PIP4K2A: variants seen among roughly 807,000 people sequenced by gnomAD.
PIP4K2A encodes the protein phosphatidylinositol 5-phosphate 4-kinase type-2 alpha.
A neutral mutation model predicts 42.9 loss-of-function variants in PIP4K2A; 14 were observed. The observed-to-expected ratio is 0.33, with a 90% confidence interval of 0.22 to 0.51. The LOEUF (loss-of-function observed/expected upper bound fraction) is 0.51. Among genes scored for constraint, PIP4K2A ranks in the 20% least tolerant of loss-of-function variants. The pLI is 0.97. For synonymous variants in PIP4K2A, 192 were observed against 192.2 expected (o/e 1.00, Z 0.01); for missense variants, 434 against 519.8 (o/e 0.83, Z 1.61).
At chr10:22,597,139 T>C (rs896818008) in intron 3 of PIP4K2A, among the ~76,000 whole-genome samples, 1 of 152,216 alleles carries the variant, frequency 6.6e-6, no homozygotes, top group Non-Finnish European at 1.5e-5. Context: ...TCTGAACTCA[T>C]TCTAGGACTG....
intron 6 of PIP4K2A, among the ~76,000 whole-genome samples, chr10:22,554,009 T>C (rs1836474651): frequency 2.0e-5 from 3 of 151,784 alleles, no homozygotes; most frequent in Admixed American, 6.6e-5. Flanking sequence ...ACCGTGGTGG[T>C]GTGTGCCTCT....
Position 22,706,715 on chromosome 10 carries a change from A to G in PIP4K2A, c.144+7468T>C, listed in dbSNP as rs117767791. On this transcript the variant is annotated intron_variant, in intron 1 of 9. Coordinates refer to ENST00000376573, the MANE Select transcript of PIP4K2A (RefSeq NM_005028.5). ...GTGAAATATCAAGTCAATAGCTGAC[A>G]TAACTTGCAACTAATGGATGTGAAT... 3.3e-5 allele frequency among the ~76,000 whole-genome samples: 5 copies of G among 152,380 alleles called. No individual in the cohort carries two copies. The East Asian group carries it at 7.7e-4, about 23-fold the overall frequency.
intron 8 of PIP4K2A, among the ~76,000 whole-genome samples, chr10:22,541,292 G>A (rs1036430141): frequency 8.5e-5 from 13 of 152,150 alleles, no homozygotes; most frequent in African/African-American, 3.1e-4. Flanking sequence ...TCACACCCCT[G>A]AGAGGGAGAG....
At position 22,536,821 on chromosome 10, in the gene PIP4K2A, TTCAC is replaced by T. The variant is rs148835349; in HGVS notation, c.*376_*379del. ...CTCCCCTCCCCCACACGTGTGTTCA[TTCAC>T]TCACTCACTCACTCACTCATTCATT... On this transcript the variant is annotated 3_prime_UTR_variant, in exon 10 of 10. Coordinates refer to ENST00000376573, the MANE Select transcript of PIP4K2A (RefSeq NM_005028.5). 4,393 of 156,904 alleles carry T rather than the reference TTCAC, an allele frequency of 0.028. 219 individuals are homozygous for T. Among genetic ancestry groups the T allele is most frequent in the African/African-American group, 0.099 (4,010 of 40,618 alleles). The allele number at this position is 156,904 out of a possible 1,614,324, so 9.7% of individuals were successfully genotyped here.
At chr10:22,657,829 ACT>A (rs1474756923) in intron 1 of PIP4K2A, among the ~76,000 whole-genome samples, 10 of 152,346 alleles carry the variant, frequency 6.6e-5, no homozygotes, top group Admixed American at 5.9e-4. Context: ...AAATAAGAAC[ACT>A]GTTATTAAAC....
intron 7 of PIP4K2A, among the ~76,000 whole-genome samples, chr10:22,546,454 C>G (rs1304426637): frequency 6.6e-6 from 1 of 152,162 alleles, no homozygotes; most frequent in East Asian, 1.9e-4. Context: ...CTCTGTCACC[C>G]AGGCTGGAGT....
At position 22,665,831 on chromosome 10, in the gene PIP4K2A, TAC is replaced by T. The variant is rs972749724; in HGVS notation, c.144+48350_144+48351del. Among the ~76,000 whole-genome samples the T allele has an allele frequency of 6.6e-5, 10 of 151,808 alleles. No homozygotes were observed. The South Asian group carries it at 1.5e-3, about 22-fold the overall frequency. On this transcript the variant is annotated intron_variant, in intron 1 of 9. Transcript: ENST00000376573. ...ATATAGACATACACATATATATACA[TAC>T]ACACACAGACACATACATATATATA...
chr10:22,650,140 C>T (rs1838962425), intron 1 of PIP4K2A, among the ~76,000 whole-genome samples: 1 of 152,196 alleles, frequency 6.6e-6, no homozygotes, highest in South Asian at 2.1e-4. Context: ...AGTGGCCTGC[C>T]TTGTGGGCCA....
chr10:22,657,289 C>A (rs969096522), intron 1 of PIP4K2A, among the ~76,000 whole-genome samples: 1 of 152,212 alleles, frequency 6.6e-6, no homozygotes, highest in African/African-American at 2.4e-5. Context: ...CACCTCCAGA[C>A]ATCCATGGGA....
At chr10:22,629,569 T>C (rs989256824) in intron 1 of PIP4K2A, among the ~76,000 whole-genome samples, 3 of 152,214 alleles carry the variant, frequency 2.0e-5, no homozygotes, top group Non-Finnish European at 4.4e-5. Context: ...AAATTTAAAA[T>C]ACAAATAATG....
At chr10:22,596,839 G>GGA (rs911264243) in intron 3 of PIP4K2A, among the ~76,000 whole-genome samples, 3 of 152,240 alleles carry the variant, frequency 2.0e-5, no homozygotes, top group Non-Finnish European at 1.5e-5. Context: ...TGGTGTACAT[G>GGA]GAGGGCCCTG....
In PIP4K2A at chr10:22,664,060, T is replaced by TATATAC. The variant is rs570101374; in HGVS notation, c.144+50122_144+50123insGTATAT. On this transcript the variant is annotated intron_variant, in intron 1 of 9. Coordinates refer to ENST00000376573, the MANE Select transcript of PIP4K2A (RefSeq NM_005028.5). ...ATATATATATATACATATGTATATATACATATATATATATACGTATATATA... is the reference window on the plus strand; with the variant it reads ...ATATATATATATACATATGTATATATATATACACATATATATATATACGTATATATA... Among the ~76,000 whole-genome samples, 14 of 83,076 alleles carry TATATAC rather than the reference T, an allele frequency of 1.7e-4. 2 individuals carry two copies. The highest frequency in any genetic ancestry group is 1.4e-3 in the African/African-American group (14 of 10,278). 54.5% of individuals were successfully genotyped at this position (83,076 alleles called of 152,430 possible). A position where few individuals can be genotyped will look rare whatever the true frequency, so the allele number is the denominator to read the frequency against.
chr10:22,652,897 C>T (rs1027542469), intron 1 of PIP4K2A, among the ~76,000 whole-genome samples: 3 of 152,106 alleles, frequency 2.0e-5, no homozygotes, highest in Non-Finnish European at 4.4e-5. Context: ...AGTTTGAGAC[C>T]AGCCTGAGTA....
intron 4 of PIP4K2A, among the ~76,000 whole-genome samples, chr10:22,580,399 C>T (rs72816822): frequency 0.014 from 2,198 of 152,058 alleles, 46 homozygotes; most frequent in Middle Eastern, 0.065. Flanking sequence ...CCTGCAGTCC[C>T]GGTAATTCGG....
chr10:22,634,556 A>T (rs926283498), intron 1 of PIP4K2A, among the ~76,000 whole-genome samples: 7 of 152,196 alleles, frequency 4.6e-5, no homozygotes, highest in African/African-American at 9.6e-5. Context: ...AGGATCTTTT[A>T]TAAGTCCAAA....
At chr10:22,564,163 G>A (rs371555299) in intron 6 of PIP4K2A, among the ~76,000 whole-genome samples, 36 of 152,304 alleles carry the variant, frequency 2.4e-4, no homozygotes, top group African/African-American at 8.2e-4. Context: ...ACAGCGGAAC[G>A]GAAGATAGGT....
chr10:22,631,066 C>T (rs946817645), intron 1 of PIP4K2A, among the ~76,000 whole-genome samples: 1 of 152,210 alleles, frequency 6.6e-6, no homozygotes, highest in African/African-American at 2.4e-5. Context: ...ACAGGCCACA[C>T]ACGGTATACT....
intron 5 of PIP4K2A, among the ~76,000 whole-genome samples, chr10:22,570,947 C>G (rs72816804): frequency 6.6e-6 from 1 of 151,954 alleles, no homozygotes; most frequent in Non-Finnish European, 1.5e-5. Flanking sequence ...GAGCTGTGTA[C>G]GAGTTGCTGA....
intron 1 of PIP4K2A, among the ~76,000 whole-genome samples, chr10:22,640,281 GA>G (rs1838753922): frequency 1.3e-5 from 2 of 152,248 alleles, no homozygotes; most frequent in South Asian, 4.1e-4. Flanking sequence ...TTGCATCTGG[GA>G]AATTCACTCC....
Sources: gnomAD v4.1 joint callset for allele counts (sites outside exome capture counted in the v4.1 genomes callset) on GRCh38, gnomAD v4.1.1 for gene constraint, MANE v1.5 for transcripts, NCBI Gene and HGNC (gene_info 2026-07-23, HGNC 2026-07-21) for gene names.